FGF13: variants seen among roughly 807,000 people sequenced by gnomAD.
The protein encoded by FGF13 is fibroblast growth factor 13, also known as fibroblast growth factor homologous factor 2.
A neutral mutation model predicts 19.5 loss-of-function variants in FGF13; 2 were observed. That is an observed-to-expected ratio of 0.10 (90% CI 0.04 to 0.32). The LOEUF (loss-of-function observed/expected upper bound fraction) is 0.32, where lower values mean the gene tolerates loss of function less well. FGF13 is among the 10% of genes least tolerant of loss of function. FGF13 has a pLI of 1.00. For synonymous variants in FGF13, 72 were observed against 76.9 expected (o/e 0.94, Z 0.33); for missense variants, 113 against 192.7 (o/e 0.59, Z 2.45).
At chrX:139,177,488 T>C (rs2084198005) in intron 1 of FGF13, among the ~76,000 whole-genome samples, 1 of 111,621 alleles carries the variant, frequency 9.0e-6, no homozygotes, top group Admixed American at 9.5e-5. Flanking sequence ...TTATTCTGTC[T>C]GTTTGTTGAT....
At chrX:139,079,409 T>C (rs1372090336) in intron 1 of FGF13, among the ~76,000 whole-genome samples, 1 of 110,299 alleles carries the variant, frequency 9.1e-6, no homozygotes, top group Non-Finnish European at 1.9e-5. Context: ...AAGATAAAAC[T>C]AGGTCTGAGA....
intron 1 of FGF13, chrX:138,985,083 A>G (rs1486737096): frequency 2.7e-6 from 1 of 370,056 alleles, no homozygotes; most frequent in Non-Finnish European, 5.4e-6. Flanking sequence ...GCTTGTCCTC[A>G]TGACACCTCT....
At chrX:138,841,765 T>C (rs1294127857) in intron 3 of FGF13, among the ~76,000 whole-genome samples, 1 of 111,956 alleles carries the variant, frequency 8.9e-6, no homozygotes, top group African/African-American at 3.2e-5. Context: ...TGAATTTTAA[T>C]GAGTTTAGTT....
intron 3 of FGF13, among the ~76,000 whole-genome samples, chrX:138,654,249 A>C (rs766959201): frequency 8.9e-6 from 1 of 112,481 alleles, no homozygotes; most frequent in African/African-American, 3.2e-5. Context: ...CCTAAAGAAG[A>C]AGTTTATAAA....
intron 1 of FGF13, among the ~76,000 whole-genome samples, chrX:139,185,867 G>A (rs967920518): frequency 3.6e-5 from 4 of 111,948 alleles, no homozygotes; most frequent in African/African-American, 1.3e-4. Context: ...ATTTTCTGTT[G>A]CACTAAATAA....
At chrX:138,856,357 CTT>C (rs1004256222), downstream of FGF13, among the ~76,000 whole-genome samples, 5 of 111,444 alleles carry the variant, frequency 4.5e-5, no homozygotes, top group African/African-American at 1.6e-4. Context: ...AAAGGGGAAA[CTT>C]TGAGTTGTGA....
At chrX:138,752,933 A>G (rs749973687) in intron 3 of FGF13, among the ~76,000 whole-genome samples, 9 of 112,476 alleles carry the variant, frequency 8.0e-5, no homozygotes, top group African/African-American at 2.9e-4. Flanking sequence ...ACTCATTTTT[A>G]TTGATGATGA....
At chrX:138,845,583 G>A (rs2091175694) in intron 3 of FGF13, among the ~76,000 whole-genome samples, 2 of 111,585 alleles carry the variant, frequency 1.8e-5, no homozygotes, top group Non-Finnish European at 3.8e-5. Flanking sequence ...AGTCCTGACT[G>A]GGAAGGGAGA....
intron 1 of FGF13, among the ~76,000 whole-genome samples, chrX:139,131,715 T>A (rs1370461350): frequency 9.0e-6 from 1 of 111,464 alleles, no homozygotes; most frequent in Non-Finnish European, 1.9e-5. Flanking sequence ...CCAGCCTGGG[T>A]GACAGAGCAT....
intron 1 of FGF13, among the ~76,000 whole-genome samples, chrX:138,956,628 C>A (rs1001546586): frequency 9.0e-6 from 1 of 111,021 alleles, no homozygotes; most frequent in Non-Finnish European, 1.9e-5. Flanking sequence ...GGAATTAGAC[C>A]TAGATCATGA....
chrX:138,729,623 A>C (rs2090212962), intron 1 of FGF13, among the ~76,000 whole-genome samples: 1 of 110,040 alleles, frequency 9.1e-6, no homozygotes, highest in Non-Finnish European at 1.9e-5. Flanking sequence ...AGAATTGTTC[A>C]AAATCAATGA....
rs192673103 is a variant in FGF13 at position 138,888,684 on chromosome X, T to C, written c.-112-24034A>G. 2.9e-4 allele frequency among the ~76,000 whole-genome samples: 30 copies of C among 104,428 alleles called. No individual in the cohort carries two copies. In the East Asian group the frequency reaches 8.2e-3, roughly 29 times the overall value. The allele number at this position is 104,428 out of a possible 115,157, so 90.7% of individuals were successfully genotyped here. On this transcript the variant is annotated intron_variant, in intron 1 of 2. Coordinates refer to the FGF13 transcript ENST00000421460. ...CCTTCTTCTTCCTTCTACCTGCTCA[T>C]AGGACCAAGAAAAAGAAAAAAAAAA...
chrX:139,122,933 C>A (rs761918389), intron 1 of FGF13, among the ~76,000 whole-genome samples: 2 of 111,864 alleles, frequency 1.8e-5, no homozygotes, highest in East Asian at 5.7e-4. Context: ...AGAGGCCGTC[C>A]TGTGCACTGT....
chrX:139,197,591 A>G (rs1250885501), intron 1 of FGF13, among the ~76,000 whole-genome samples: 1 of 111,928 alleles, frequency 8.9e-6, no homozygotes, highest in Non-Finnish European at 1.9e-5. Context: ...AGAGGACAAG[A>G]CAAGAAGGGT....
chrX:138,827,202 G>A (rs2091040077), intron 3 of FGF13, among the ~76,000 whole-genome samples: 1 of 112,091 alleles, frequency 8.9e-6, no homozygotes, highest in South Asian at 3.7e-4. Context: ...CTGCGGTGCT[G>A]TGGCTGGATC....
intron 1 of FGF13, among the ~76,000 whole-genome samples, chrX:138,944,394 A>G (rs985965958): frequency 9.0e-6 from 1 of 110,813 alleles, no homozygotes; most frequent in African/African-American, 3.3e-5. Context: ...CAACTCAACC[A>G]TCTACTGCCT....
At chrX:138,887,550 A>G (rs2091456802) in intron 1 of FGF13, among the ~76,000 whole-genome samples, 1 of 111,591 alleles carries the variant, frequency 9.0e-6, no homozygotes, top group Non-Finnish European at 1.9e-5. Context: ...ACTTACCAGC[A>G]TTGTGACACA....
chrX:139,078,040 CT>C (rs2083343982), intron 1 of FGF13, among the ~76,000 whole-genome samples: 1 of 110,990 alleles, frequency 9.0e-6, no homozygotes, highest in African/African-American at 3.3e-5. Flanking sequence ...AGAGCTTAAG[CT>C]TGTGGTGGAT....
At chrX:139,098,439 C>G (rs1432561759) in intron 1 of FGF13, among the ~76,000 whole-genome samples, 1 of 111,301 alleles carries the variant, frequency 9.0e-6, no homozygotes, top group Non-Finnish European at 1.9e-5. Context: ...TCTCACAGCA[C>G]TATTCATAAT....
Sources: gnomAD v4.1 joint callset for allele counts (sites outside exome capture counted in the v4.1 genomes callset) on GRCh38, gnomAD v4.1.1 for gene constraint, MANE v1.5 for transcripts, NCBI Gene and HGNC (gene_info 2026-07-23, HGNC 2026-07-21) for gene names.